Variants in NEDD4L observed in about 807,000 individuals in gnomAD.
NEDD4L encodes NEDD4 like E3 ubiquitin protein ligase.
Under a neutral mutation model 148.9 loss-of-function variants are expected in NEDD4L, and 54 were observed. That is an observed-to-expected ratio of 0.36 (90% CI 0.29 to 0.45). The LOEUF is 0.45. Ranked by LOEUF, NEDD4L falls within the 20% of genes least tolerant of loss-of-function variation. The pLI is 1.00. For synonymous variants in NEDD4L, 433 were observed against 440.7 expected (o/e 0.98, Z 0.22); for missense variants, 856 against 1,233.8 (o/e 0.69, Z 4.59).
At chr18:58,085,505 A>G (rs767887260) in intron 1 of NEDD4L, among the ~76,000 whole-genome samples, 1 of 152,156 alleles carries the variant, frequency 6.6e-6, no homozygotes, top group Non-Finnish European at 1.5e-5. Flanking sequence ...CAAGATAATG[A>G]GGCGATCCCA....
chr18:58,332,111 A>G (rs1269013300), intron 11 of NEDD4L, among the ~76,000 whole-genome samples: 2 of 152,244 alleles, frequency 1.3e-5, no homozygotes, highest in Admixed American at 1.3e-4. Context: ...GAGGTACCAC[A>G]GAATCCATGG....
chr18:58,084,542 A>C (rs1230378883), intron 1 of NEDD4L, among the ~76,000 whole-genome samples: 4 of 152,098 alleles, frequency 2.6e-5, no homozygotes. Context: ...GTAACCATTT[A>C]TTTTCTCACA....
intron 1 of NEDD4L, among the ~76,000 whole-genome samples, chr18:58,144,754 T>C (rs1280260875): frequency 2.6e-5 from 4 of 152,210 alleles, no homozygotes; most frequent in African/African-American, 7.2e-5. Context: ...CATGTTTTAG[T>C]GTGTCTACAC....
At chr18:58,061,686 T>A (rs1057142495) in intron 1 of NEDD4L, among the ~76,000 whole-genome samples, 2 of 152,192 alleles carry the variant, frequency 1.3e-5, no homozygotes, top group African/African-American at 4.8e-5. Flanking sequence ...TGCTTTAAAA[T>A]ATACTGTTAT....
At position 58,108,831 on chromosome 18, in the gene NEDD4L, A is replaced by G. The variant is rs140584326; in HGVS notation, c.49-56957A>G. On this transcript the variant is annotated intron_variant, in intron 1 of 30. Coordinates refer to ENST00000400345, the MANE Select transcript of NEDD4L (RefSeq NM_001144967.3). ...GTCACTTAATAGCTTTGTCAGATATACCATATGACATAAATAGGCAGAGTT... is the reference window on the plus strand; with the variant it reads ...GTCACTTAATAGCTTTGTCAGATATGCCATATGACATAAATAGGCAGAGTT... Among the ~76,000 whole-genome samples, 612 of 152,354 alleles carry G rather than the reference A, an allele frequency of 4.0e-3. 1 individual carries two copies. The highest frequency in any genetic ancestry group is 0.013 in the African/African-American group (556 of 41,574).
intron 16 of NEDD4L, 72 bp downstream of exon 16, chr18:58,343,175 G>C (rs1312240565): frequency 8.1e-6 from 10 of 1,228,454 alleles, no homozygotes; most frequent in Non-Finnish European, 1.1e-5. Flanking sequence ...TTTCCTTAGT[G>C]TTTGTAGTTC....
At chr18:58,371,256 T>C (rs1394063670) in intron 23 of NEDD4L, among the ~76,000 whole-genome samples, 1 of 147,732 alleles carries the variant, frequency 6.8e-6, no homozygotes, top group African/African-American at 2.5e-5. Flanking sequence ...GGTTTCGCTA[T>C]GTTGGCCAGG....
chr18:58,123,285 C>G (rs1163136145), intron 1 of NEDD4L, among the ~76,000 whole-genome samples: 2 of 152,148 alleles, frequency 1.3e-5, no homozygotes, highest in Admixed American at 1.3e-4. Flanking sequence ...TTTTAGTGAC[C>G]CTTTTTAGAT....
intron 1 of NEDD4L, among the ~76,000 whole-genome samples, chr18:58,094,490 C>A (rs1408275623): frequency 6.8e-6 from 1 of 146,120 alleles, no homozygotes; most frequent in African/African-American, 2.7e-5. Flanking sequence ...CCCAGCCACT[C>A]CTGCACCCTT....
At chr18:58,153,087 C>A (rs1362044239) in intron 1 of NEDD4L, among the ~76,000 whole-genome samples, 1 of 152,200 alleles carries the variant, frequency 6.6e-6, no homozygotes, top group African/African-American at 2.4e-5. Flanking sequence ...CACCTGGCCT[C>A]AGGCTGCATC....
Position 58,370,481 on chromosome 18 carries a change from C to T in NEDD4L, c.2256+14C>T, listed in dbSNP as rs755269824. 1.6e-5 allele frequency: 25 copies of T among 1,550,608 alleles called. No homozygotes were observed. Among genetic ancestry groups the T allele is most frequent in the Middle Eastern group, 3.3e-4 (2 of 5,980 alleles). On this transcript the variant is annotated intron_variant, in intron 23 of 30. Coordinates refer to ENST00000400345, the MANE Select transcript of NEDD4L (RefSeq NM_001144967.3). ...ATGGAATCTGTGGTAAGTAAATGCACGTCACACACTGGCCATCACCGGGCA... is the reference window on the plus strand; with the variant it reads ...ATGGAATCTGTGGTAAGTAAATGCATGTCACACACTGGCCATCACCGGGCA...
chr18:58,102,166 C>T (rs1451991830), intron 1 of NEDD4L, among the ~76,000 whole-genome samples: 1 of 152,020 alleles, frequency 6.6e-6, no homozygotes, highest in Non-Finnish European at 1.5e-5. Context: ...TTCTCATCTT[C>T]TTCCCCCTCC....
In NEDD4L at chr18:58,294,650, G is replaced by A. The variant is rs543063699; in HGVS notation, c.298-21332G>A. ...TATTTTTTGAGCTCATAGGTAAAAGGAGTTGAAGTGATTTTATTTTCTGTT... is the reference window on the plus strand; with the variant it reads ...TATTTTTTGAGCTCATAGGTAAAAGAAGTTGAAGTGATTTTATTTTCTGTT... On this transcript the variant is annotated intron_variant, in intron 5 of 30. Coordinates refer to ENST00000400345, the MANE Select transcript of NEDD4L (RefSeq NM_001144967.3). Among the ~76,000 whole-genome samples, 28 of 151,902 alleles carry A rather than the reference G, an allele frequency of 1.8e-4. No individual in the cohort carries two copies. The South Asian group carries it at 2.7e-3, about 15-fold the overall frequency.
intron 1 of NEDD4L, among the ~76,000 whole-genome samples, chr18:58,136,511 T>C (rs12965133): frequency 0.33 from 50,190 of 152,060 alleles, 8,530 homozygotes; most frequent in Non-Finnish European, 0.37. Context: ...GGGAACCTGA[T>C]GCTGATGAAA....
chr18:58,345,933 T>C (rs1368861794), intron 16 of NEDD4L, among the ~76,000 whole-genome samples: 1 of 150,688 alleles, frequency 6.6e-6, no homozygotes, highest in African/African-American at 2.4e-5. Context: ...GTTTTTTGTT[T>C]TTTTTAGCAC....
In NEDD4L at chr18:58,398,157, T is replaced by TAAAAAAAAAAAAAAAAAAAAAAAAA. The variant is rs35545013; in HGVS notation, c.*1901_*1925dup. On this transcript the variant is annotated 3_prime_UTR_variant, in exon 31 of 31. Coordinates refer to ENST00000400345, the MANE Select transcript of NEDD4L (RefSeq NM_001144967.3). ...TCAGAAAACTTAGATGCTATGTAAC[T>TAAAAAAAAAAAAAAAAAAAAAAAAA]AAAAAAAAAAAAAAAAAAAAAAAAA... 3.2e-5 allele frequency: 1 copy of TAAAAAAAAAAAAAAAAAAAAAAAAA among 30,984 alleles called. No individual in the cohort carries two copies. Among genetic ancestry groups the TAAAAAAAAAAAAAAAAAAAAAAAAA allele is most frequent in the African/African-American group, 9.2e-5 (1 of 10,904 alleles). 1.9% of individuals were successfully genotyped at this position (30,984 alleles called of 1,614,324 possible). A position where few individuals can be genotyped will look rare whatever the true frequency, so the allele number is the denominator to read the frequency against.
chr18:58,149,280 G>A, intron 1 of NEDD4L: 1 of 769,858 alleles, frequency 1.3e-6, no homozygotes, highest in South Asian at 3.3e-5. Context: ...TTGGTGTCCA[G>A]GTGGCAGGTT....
intron 30 of NEDD4L, 53 bp downstream of exon 30, chr18:58,391,612 G>T: frequency 1.5e-6 from 2 of 1,299,388 alleles, no homozygotes; most frequent in Non-Finnish European, 2.2e-6. Context: ...TGCTTAGCTG[G>T]GTATGGTGCT....
chr18:58,337,966 C>A (rs1346335049), intron 13 of NEDD4L, among the ~76,000 whole-genome samples: 1 of 152,194 alleles, frequency 6.6e-6, no homozygotes, highest in African/African-American at 2.4e-5. Flanking sequence ...ACAGTCCTTT[C>A]AGTCTTTGTT....
Sources: gnomAD v4.1 joint callset for allele counts (sites outside exome capture counted in the v4.1 genomes callset) on GRCh38, gnomAD v4.1.1 for gene constraint, MANE v1.5 for transcripts, NCBI Gene and HGNC (gene_info 2026-07-23, HGNC 2026-07-21) for gene names.